Variants in RAD54L observed in about 807,000 individuals in gnomAD.
RAD54L encodes RAD54 like.
A neutral mutation model predicts 91.6 loss-of-function variants in RAD54L; 74 were observed. The ratio of observed to expected loss-of-function variants is 0.81; its 90% CI spans 0.67 to 0.98. The LOEUF is 0.98. Ranked by LOEUF, RAD54L falls within the 50% of genes least tolerant of loss-of-function variation. The pLI is 0.00. For synonymous variants in RAD54L, 304 were observed against 349.7 expected, an observed-to-expected ratio of 0.87 and a Z score of 1.46; for missense variants, 887 against 945.7, an observed-to-expected ratio of 0.94 and a Z score of 0.81.
At chr1:46,252,281 C>G (rs943053297) in intron 3 of RAD54L, among the ~76,000 whole-genome samples, 1 of 152,020 alleles carries the variant, frequency 6.6e-6, no homozygotes, top group Non-Finnish European at 1.5e-5. Flanking sequence ...TTTCAGAAGC[C>G]ATGCTAGGAG....
At chr1:46,273,524 T>TG in intron 13 of RAD54L, 59 bp downstream of exon 13, 1 of 1,611,354 alleles carries the variant, frequency 6.2e-7, no homozygotes, top group Non-Finnish European at 8.5e-7. Context: ...AGATTTTTTT[T>TG]TGTGCTAGGG....
At position 46,259,908 on chromosome 1, in the gene RAD54L, G is replaced by T. The variant is rs7544066; in HGVS notation, c.272-56G>T. On this transcript the variant is annotated intron_variant, in intron 4 of 17. Transcript: ENST00000371975. ...TGTGAAGGACAAGTATTTGAGCTGG[G>T]CTTGCTGGAGCTCCTAAACATAGAT... is the stretch of plus-strand genomic sequence containing the variant. 1,420 of 1,612,574 alleles carry T rather than the reference G, an allele frequency of 8.8e-4. 15 individuals are homozygous for T. In the African/African-American group the frequency reaches 0.016, roughly 18 times the overall value.
rs561260240 is a variant in RAD54L, at chr1:46,255,575, T to C, written c.211-3111T>C. Among the ~76,000 whole-genome samples the C allele has an allele frequency of 7.6e-5, 11 of 145,614 alleles. No individual in the cohort carries two copies. The South Asian group carries it at 2.5e-3, about 33-fold the overall frequency. On this transcript the variant is annotated intron_variant, in intron 3 of 17. Transcript: ENST00000371975. The stretch of plus-strand genomic sequence containing the variant: ...GTGCAGTGGCGCGATCTCGGCTCAC[T>C]GCAGCCTCTGCCTCCCAGGTTCAAG...
At chr1:46,266,895 T>C (rs575133939) in intron 8 of RAD54L, among the ~76,000 whole-genome samples, 5 of 152,280 alleles carry the variant, frequency 3.3e-5, no homozygotes, top group Non-Finnish European at 7.4e-5. Context: ...AATCTTTGCT[T>C]TATGGGTATA....
rs567415626 is a variant in RAD54L, at chr1:46,263,513, C to T, written c.891+2128C>T. ...TGTCTGAGGAACTTCAGAGAGGGGA[C>T]AGAGGGAAAAAGCTTGCTTTTGGGT... On this transcript the variant is annotated intron_variant, in intron 8 of 17. Coordinates refer to ENST00000371975, the MANE Select transcript of RAD54L (RefSeq NM_003579.4). The surrounding 1 kb of genome is among the most constrained non-coding windows in gnomAD (Gnocchi z 4.3). 6.6e-6 allele frequency among the ~76,000 whole-genome samples: 1 copy of T among 152,126 alleles called. No individual in the cohort carries two copies. Among genetic ancestry groups the T allele is most frequent in the Non-Finnish European group, 1.5e-5 (1 of 68,022 alleles).
intron 16 of RAD54L, chr1:46,277,377 C>T: frequency 1.3e-5 from 3 of 238,656 alleles, no homozygotes; most frequent in Non-Finnish European, 2.5e-5. Flanking sequence ...ATTGTATCAA[C>T]TGTTTAAATG....
At chr1:46,253,802 C>G (rs1288677214) in intron 3 of RAD54L, among the ~76,000 whole-genome samples, 1 of 124,722 alleles carries the variant, frequency 8.0e-6, no homozygotes, top group Non-Finnish European at 1.6e-5. Flanking sequence ...TCTTGGCTCA[C>G]CTGCTTACTT....
At chr1:46,257,816 A>G (rs1308148526) in intron 3 of RAD54L, among the ~76,000 whole-genome samples, 1 of 152,188 alleles carries the variant, frequency 6.6e-6, no homozygotes, top group Non-Finnish European at 1.5e-5. Flanking sequence ...TACTGAGTAC[A>G]AGTAAGGACC....
At position 46,273,475 on chromosome 1, in the gene RAD54L, T is replaced by G; in HGVS notation, c.1486+10T>G. 1 of 1,612,096 alleles carries G rather than the reference T, an allele frequency of 6.2e-7. No homozygotes were observed. On this transcript the variant is annotated intron_variant, in intron 13 of 17. Coordinates refer to ENST00000371975, the MANE Select transcript of RAD54L (RefSeq NM_003579.4). ...GAGCCCCAGCTGTCAGGTGACCCTT[T>G]TCCTACCAGTATTTGGGCTTCTCTA...
Position 46,260,947 on chromosome 1 carries a change from G to A in RAD54L, c.698G>A (p.Trp233Ter), listed in dbSNP as rs1660099134. The A allele has an allele frequency of 6.2e-7, 1 of 1,614,242 alleles. No individual in the cohort carries two copies. The highest frequency in any genetic ancestry group is 8.5e-7 in the Non-Finnish European group (1 of 1,180,048). ...AACTGGTACAATGAGGTTGGGAAAT[G>A]GCTCGGAGGGAGGATCCAACCTCTG... ...VKNWYNEVGKWLGGRIQPLAI... is the reference protein window; with the variant it reads ...VKNWYNEVGK Residue 233 changes from tryptophan to a stop codon, truncating the protein, a stop_gained, in exon 7 of 18, where the codon TGG (tryptophan) becomes TAG (stop). Coordinates refer to ENST00000371975, the MANE Select transcript of RAD54L (RefSeq NM_003579.4). LOFTEE classifies it high-confidence loss of function.
At chr1:46,258,070 G>A (rs1020848721) in intron 3 of RAD54L, among the ~76,000 whole-genome samples, 7 of 152,016 alleles carry the variant, frequency 4.6e-5, no homozygotes, top group African/African-American at 1.4e-4. Context: ...TAGAGATGGG[G>A]TCTTGCTATA....
At chr1:46,276,631 G>T (rs1660611206) in intron 16 of RAD54L, among the ~76,000 whole-genome samples, 1 of 152,134 alleles carries the variant, frequency 6.6e-6, no homozygotes, top group Non-Finnish European at 1.5e-5. Context: ...CCCTCCTGAG[G>T]TCATGGTCAT....
chr1:46,278,403 T>A lies in RAD54L; in HGVS notation c.*121T>A. ...AAAATCATCAAGAAGGGCTGCATGA[T>A]GTTTGCCCAAAATTTATTTTATAAG... On this transcript the variant is annotated 3_prime_UTR_variant, in exon 18 of 18. Transcript: ENST00000371975. 8.7e-7 allele frequency: 1 copy of A among 1,149,836 alleles called. No individual in the cohort carries two copies. The allele number at this position is 1,149,836 out of a possible 1,614,324, so 71.2% of individuals were successfully genotyped here.
chr1:46,274,285 T>C, intron 15 of RAD54L, 69 bp downstream of exon 15: 1 of 1,502,000 alleles, frequency 6.7e-7, no homozygotes, highest in Non-Finnish European at 9.2e-7. Context: ...ATAGAGAAGC[T>C]ATAAGGGGTT....
At position 46,278,373 on chromosome 1, in the gene RAD54L, G is replaced by C; in HGVS notation, c.*91G>C. On this transcript the variant is annotated 3_prime_UTR_variant, in exon 18 of 18. Transcript: ENST00000371975. ...AGGGCCCTGTTGAATTTTGTTCTCT[G>C]GGAGAAAATCATCAAGAAGGGCTGC... The C allele has an allele frequency of 1.4e-6, 2 of 1,397,206 alleles. No homozygotes were observed. The highest frequency in any genetic ancestry group is 2.5e-4 in the Middle Eastern group (1 of 4,074). The allele number at this position is 1,397,206 out of a possible 1,614,324, so 86.6% of individuals were successfully genotyped here. A position where few individuals can be genotyped will look rare whatever the true frequency, so the allele number is the denominator to read the frequency against.
chr1:46,273,808 A>C, intron 14 of RAD54L, 61 bp downstream of exon 14: 1 of 1,554,536 alleles, frequency 6.4e-7, no homozygotes, highest in Non-Finnish European at 8.7e-7. Context: ...CTGTCTGTCT[A>C]GTTCTGATTT....
chr1:46,274,753 T>C, intron 16 of RAD54L, 36 bp downstream of exon 16: 1 of 1,612,478 alleles, frequency 6.2e-7, no homozygotes, highest in East Asian at 2.2e-5. Flanking sequence ...TAGGGGTGGG[T>C]CATGGAACGA....
At chr1:46,272,319 T>C in intron 10 of RAD54L, 147 bp from the exon 11 acceptor site, 2 of 759,686 alleles carry the variant, frequency 2.6e-6, no homozygotes, top group South Asian at 1.5e-5. Context: ...CTGGGATTAC[T>C]GGCGTGAGCC....
intron 7 of RAD54L, 78 bp downstream of exon 7, chr1:46,261,093 A>AG: frequency 6.4e-7 from 1 of 1,566,012 alleles, no homozygotes; most frequent in African/African-American, 1.4e-5. Flanking sequence ...ATTTATGGCC[A>AG]GGGTGGAGGG....
Sources: gnomAD v4.1 joint callset for allele counts (sites outside exome capture counted in the v4.1 genomes callset) on GRCh38, gnomAD v4.1.1 for gene constraint, Gnocchi (gnomAD v3.1) non-coding constraint, MANE v1.5 for transcripts, NCBI Gene and HGNC (gene_info 2026-07-23, HGNC 2026-07-21) for gene names.